PEX2: variants seen among roughly 807,000 people sequenced by gnomAD.
PEX2 encodes peroxisome biogenesis factor 2.
Under a neutral mutation model 25.2 loss-of-function variants are expected in PEX2, and 19 were observed. The observed-to-expected ratio is 0.75, with a 90% CI of 0.53 to 1.10. The LOEUF is 1.10. Ranked by LOEUF, PEX2 falls within the 50% of genes least tolerant of loss-of-function variation. The probability of loss-of-function intolerance (pLI) is 0.00; values close to 1 mark genes in which losing one functional copy is unlikely to be tolerated. For synonymous variants in PEX2, 141 were observed against 127.7 expected (o/e 1.10, Z -0.70); for missense variants, 347 against 350.6 (o/e 0.99, Z 0.08).
upstream of PEX2, chr8:77,000,135 G>T (rs776621074): frequency 8.4e-4 from 255 of 302,006 alleles, no homozygotes; most frequent in Non-Finnish European, 1.4e-3. Context: ...GGAAGTGGCT[G>T]AAAAAAAAAA....
At chr8:76,998,755 T>C (rs187696101) in intron 1 of PEX2, among the ~76,000 whole-genome samples, 1 of 152,124 alleles carries the variant, frequency 6.6e-6, no homozygotes, top group Non-Finnish European at 1.5e-5. Context: ...CTCCAGAAAA[T>C]TTCTACACAA....
At chr8:76,993,551 T>C (rs2132056845) in intron 1 of PEX2, among the ~76,000 whole-genome samples, 1 of 152,336 alleles carries the variant, frequency 6.6e-6, no homozygotes, top group East Asian at 1.9e-4. Flanking sequence ...GGTAAGTCTA[T>C]TTTGACTTTA....
chr8:76,983,474 A>G lies in PEX2; in HGVS notation c.705T>C (p.Asn235=). 6.2e-7 allele frequency: 1 copy of G among 1,614,126 alleles called. No individual in the cohort carries two copies. The highest frequency in any genetic ancestry group is 8.5e-7 in the Non-Finnish European group (1 of 1,180,010). ...IPLTGAPNSD[N]TLATSGKECA... ...ATTCTTTGCCACTGGTGGCTAATGTATTGTCACTATTAGGTGCACCAGTAA... is the reference window on the plus strand; with the variant it reads ...ATTCTTTGCCACTGGTGGCTAATGTGTTGTCACTATTAGGTGCACCAGTAA... Residue 235 remains asparagine, a synonymous_variant, in exon 4 of 4, where the codon AAT becomes AAC. Coordinates refer to ENST00000357039, the MANE Select transcript of PEX2 (RefSeq NM_000318.3).
Position 77,000,054 on chromosome 8 carries a change from G to C in PEX2, c.-224C>G, listed in dbSNP as rs1283835465. 4 of 433,824 alleles carry C rather than the reference G, an allele frequency of 9.2e-6. No individual in the cohort carries two copies. The highest frequency in any genetic ancestry group is 7.6e-5 in the Admixed American group (3 of 39,642). The allele number at this position is 433,824 out of a possible 1,614,324, so 26.9% of individuals were successfully genotyped here. The stretch of plus-strand genomic sequence containing the variant: ...CTCTGAAACATTCTCTGGAAAGCTT[G>C]TCTTTTCCTAGCCGAATCTGGATTA... On this transcript the variant is annotated 5_prime_UTR_variant, in exon 1 of 4. Coordinates refer to ENST00000357039, the MANE Select transcript of PEX2 (RefSeq NM_000318.3).
intron 2 of PEX2, among the ~76,000 whole-genome samples, chr8:76,987,531 A>G (rs1189299716): frequency 6.6e-6 from 1 of 152,182 alleles, no homozygotes; most frequent in Non-Finnish European, 1.5e-5. Context: ...AGCCCCCAAT[A>G]GTGGTACGCA....
intron 1 of PEX2, among the ~76,000 whole-genome samples, chr8:76,989,825 G>A (rs1357253564): frequency 1.3e-5 from 2 of 152,034 alleles, no homozygotes; most frequent in Non-Finnish European, 1.5e-5. Flanking sequence ...TAATTCTTAA[G>A]GGTCTTTGAA....
At chr8:76,986,734 T>C (rs1807013823) in intron 2 of PEX2, among the ~76,000 whole-genome samples, 1 of 152,214 alleles carries the variant, frequency 6.6e-6, no homozygotes, top group Admixed American at 6.5e-5. Flanking sequence ...CACTTCCTGC[T>C]GACTCCAAAT....
intron 1 of PEX2, among the ~76,000 whole-genome samples, chr8:76,994,081 GTC>G (rs1807252097): frequency 1.3e-5 from 2 of 152,032 alleles, no homozygotes; most frequent in South Asian, 4.1e-4. Context: ...TATTAAAAGG[GTC>G]TCCTGCTGAC....
intron 1 of PEX2, among the ~76,000 whole-genome samples, chr8:76,997,526 G>A (rs985754085): frequency 8.5e-5 from 13 of 152,230 alleles, no homozygotes; most frequent in Non-Finnish European, 1.9e-4. Context: ...CTGAGACTGT[G>A]CCACTGCACT....
At chr8:76,985,148 A>G (rs1373227904) in intron 3 of PEX2, among the ~76,000 whole-genome samples, 1 of 146,784 alleles carries the variant, frequency 6.8e-6, no homozygotes, top group Admixed American at 7.1e-5. Flanking sequence ...TATTTTAAAT[A>G]TTATTAACTG....
chr8:76,982,937 C>A lies in PEX2; in HGVS notation c.*324G>T, dbSNP rs886063137. On this transcript the variant is annotated 3_prime_UTR_variant, in exon 4 of 4. Coordinates refer to ENST00000357039, the MANE Select transcript of PEX2 (RefSeq NM_000318.3). Reference sequence around the variant, plus strand: ...ACACTCATCCCAGAGTCTCCAAAATCTTTATCTTTAGAATCCAACCTTGTT... The same window carrying A: ...ACACTCATCCCAGAGTCTCCAAAATATTTATCTTTAGAATCCAACCTTGTT... 7 of 407,624 alleles carry A rather than the reference C, an allele frequency of 1.7e-5. No homozygotes were observed. Among genetic ancestry groups the A allele is most frequent in the Non-Finnish European group, 1.7e-5 (4 of 241,558 alleles). 25.3% of individuals were successfully genotyped at this position (407,624 alleles called of 1,614,324 possible).
chr8:76,989,619 C>T (rs562493177), intron 1 of PEX2, among the ~76,000 whole-genome samples: 2 of 152,272 alleles, frequency 1.3e-5, no homozygotes, highest in East Asian at 3.9e-4. Context: ...AAACATTAAT[C>T]TCCTTGTACA....
In PEX2 at chr8:76,980,893, G is replaced by A. The variant is rs917985792; in HGVS notation, c.*2368C>T. On this transcript the variant is annotated 3_prime_UTR_variant, in exon 4 of 4. Coordinates refer to ENST00000357039, the MANE Select transcript of PEX2 (RefSeq NM_000318.3). ...GCAGAGATGTGGCACATTGCCCTAG[G>A]TTATACACAAGTGGGATTTGAATTC... The A allele has an allele frequency of 6.6e-6, 1 of 152,188 alleles. No homozygotes were observed. The highest frequency in any genetic ancestry group is 1.5e-5 in the Non-Finnish European group (1 of 68,042). 9.4% of individuals were successfully genotyped at this position (152,188 alleles called of 1,614,324 possible). A position where few individuals can be genotyped will look rare whatever the true frequency, so the allele number is the denominator to read the frequency against.
chr8:76,998,125 T>A (rs1423748936), intron 1 of PEX2, among the ~76,000 whole-genome samples: 1 of 152,136 alleles, frequency 6.6e-6, no homozygotes, highest in Non-Finnish European at 1.5e-5. Context: ...AAATAAAGAT[T>A]GTGTACATTC....
At chr8:76,986,825 C>T (rs1280758683) in intron 2 of PEX2, among the ~76,000 whole-genome samples, 2 of 152,104 alleles carry the variant, frequency 1.3e-5, no homozygotes, top group African/African-American at 4.8e-5. Context: ...ACATAAACTA[C>T]TTTTAAATGG....
At chr8:76,984,241 T>C in intron 3 of PEX2, 46 bp from the exon 4 acceptor site, 1 of 1,456,614 alleles carries the variant, frequency 6.9e-7, no homozygotes. Flanking sequence ...AGTTGCAATC[T>C]TGTACAACCT....
At chr8:76,999,874 A>C in intron 1 of PEX2, 116 bp downstream of exon 1, 1 of 456,528 alleles carries the variant, frequency 2.2e-6, no homozygotes, top group Non-Finnish European at 4.4e-6. Context: ...CAGGAAGCCA[A>C]TAAACAGGGA....
At chr8:76,998,144 TC>T (rs752387518) in intron 1 of PEX2, among the ~76,000 whole-genome samples, 58 of 152,222 alleles carry the variant, frequency 3.8e-4, no homozygotes, top group Non-Finnish European at 7.2e-4. Flanking sequence ...TCACACATTT[TC>T]CTTGTGCTAT....
intron 1 of PEX2, among the ~76,000 whole-genome samples, chr8:76,988,935 A>G (rs183645392): frequency 2.6e-5 from 4 of 151,822 alleles, no homozygotes; most frequent in South Asian, 2.1e-4. Flanking sequence ...GCTCATGCCT[A>G]TAATTCCAGC....
Sources: gnomAD v4.1 joint callset for allele counts (sites outside exome capture counted in the v4.1 genomes callset) on GRCh38, gnomAD v4.1.1 for gene constraint, MANE v1.5 for transcripts, NCBI Gene and HGNC (gene_info 2026-07-23, HGNC 2026-07-21) for gene names.